The following MBD5 variants were observed in gnomAD, a reference collection of about 807,000 sequenced individuals.
MBD5 encodes the protein methyl-CpG-binding domain protein 5.
A neutral mutation model predicts 117.3 loss-of-function variants in MBD5; 13 were observed. The ratio of observed to expected loss-of-function variants is 0.11; its 90% CI spans 0.07 to 0.18. MBD5 has a LOEUF of 0.18. Among genes scored for constraint, MBD5 ranks in the 10% least tolerant of loss-of-function variants. The pLI is 1.00. For synonymous variants in MBD5, 727 were observed against 766.4 expected (o/e 0.95, Z 0.85); for missense variants, 1,879 against 2,093.8 (o/e 0.90, Z 2.00).
At chr2:148,491,480 C>G (rs1681524795) in intron 11 of MBD5, among the ~76,000 whole-genome samples, 1 of 151,890 alleles carries the variant, frequency 6.6e-6, no homozygotes, top group Non-Finnish European at 1.5e-5. Context: ...AAAAATTACT[C>G]TTACAGGTAT....
intron 1 of MBD5, among the ~76,000 whole-genome samples, chr2:148,159,693 T>A (rs1030724076): frequency 6.6e-6 from 1 of 152,200 alleles, no homozygotes; most frequent in South Asian, 2.1e-4. Context: ...CAGGTCTGAA[T>A]TGGCAAATAA....
At chr2:148,158,120 A>T (rs1697917423) in intron 1 of MBD5, among the ~76,000 whole-genome samples, 4 of 152,204 alleles carry the variant, frequency 2.6e-5, no homozygotes. Context: ...TATTTACAAT[A>T]ATAAAAATTT....
At chr2:148,397,582 G>T (rs1039758153) in intron 4 of MBD5, among the ~76,000 whole-genome samples, 3 of 152,128 alleles carry the variant, frequency 2.0e-5, no homozygotes, top group Non-Finnish European at 4.4e-5. Context: ...ACCCGCCTCG[G>T]CCTCCCAAAG....
intron 1 of MBD5, among the ~76,000 whole-genome samples, chr2:148,148,634 T>A (rs1697539496): frequency 6.6e-6 from 1 of 152,198 alleles, no homozygotes; most frequent in Admixed American, 6.5e-5. Flanking sequence ...CCTTTTTAGA[T>A]GTTTTTGTTC....
At chr2:148,263,818 A>G (rs909882337) in intron 3 of MBD5, among the ~76,000 whole-genome samples, 5 of 152,222 alleles carry the variant, frequency 3.3e-5, no homozygotes, top group Non-Finnish European at 2.9e-5. Flanking sequence ...TTCATTTTTC[A>G]ATGCTTTTTA....
At chr2:148,169,597 A>G (rs1396191968) in intron 1 of MBD5, among the ~76,000 whole-genome samples, 2 of 152,214 alleles carry the variant, frequency 1.3e-5, no homozygotes, top group South Asian at 4.1e-4. Context: ...TACCCTTAGC[A>G]GATCTGATAG....
At chr2:148,197,818 G>GTTTTTTTTTTT (rs11389519) in intron 2 of MBD5, among the ~76,000 whole-genome samples, 1 of 103,558 alleles carries the variant, frequency 9.7e-6, no homozygotes, top group Non-Finnish European at 1.9e-5. Flanking sequence ...TTTTTTTTTT[G>GTTTTTTTTTTT]TTTTTTTTTT....
At chr2:148,467,259 G>A (rs945797132) in intron 7 of MBD5, among the ~76,000 whole-genome samples, 2 of 152,100 alleles carry the variant, frequency 1.3e-5, no homozygotes, top group East Asian at 1.9e-4. Flanking sequence ...AATAGATATC[G>A]TAAGGGGCTA....
At chr2:148,033,288 TGA>T (rs1401505659) in intron 1 of MBD5, among the ~76,000 whole-genome samples, 1 of 152,206 alleles carries the variant, frequency 6.6e-6, no homozygotes, top group Non-Finnish European at 1.5e-5. Flanking sequence ...TTGATTATAT[TGA>T]GAGTGATTTC....
At chr2:148,277,711 A>G (rs1337233944) in intron 3 of MBD5, among the ~76,000 whole-genome samples, 1 of 151,878 alleles carries the variant, frequency 6.6e-6, no homozygotes, top group African/African-American at 2.4e-5. Flanking sequence ...CCTGCTAGAG[A>G]TTGGTCTATA....
chr2:148,294,508 T>TGG (rs1701596236), intron 3 of MBD5, among the ~76,000 whole-genome samples: 3 of 137,474 alleles, frequency 2.2e-5, no homozygotes, highest in Non-Finnish European at 4.7e-5. Flanking sequence ...ACAGTTTTTT[T>TGG]TTTTTTTTTT....
intron 1 of MBD5, among the ~76,000 whole-genome samples, chr2:148,152,923 C>A (rs545846805): frequency 1.3e-5 from 2 of 151,826 alleles, no homozygotes; most frequent in African/African-American, 2.4e-5. Context: ...TTAATTGGAG[C>A]ATTTAGTCCA....
chr2:148,314,232 G>A (rs1702101975), intron 3 of MBD5, among the ~76,000 whole-genome samples: 1 of 151,430 alleles, frequency 6.6e-6, no homozygotes, highest in South Asian at 2.1e-4. Flanking sequence ...ACAGACATAC[G>A]CTTCCTCATA....
chr2:148,417,428 T>A (rs748539996), intron 4 of MBD5, among the ~76,000 whole-genome samples: 2 of 151,558 alleles, frequency 1.3e-5, no homozygotes, highest in Non-Finnish European at 2.9e-5. Context: ...CATGAGCCAC[T>A]GTGCCCAGCT....
At chr2:148,419,460 T>G (rs1476376410) in intron 4 of MBD5, among the ~76,000 whole-genome samples, 5 of 152,190 alleles carry the variant, frequency 3.3e-5, no homozygotes, top group Non-Finnish European at 7.4e-5. Context: ...TTTCTGTGAA[T>G]TTTATGAGCT....
At chr2:148,050,495 T>A (rs1426240101) in intron 1 of MBD5, among the ~76,000 whole-genome samples, 2 of 152,170 alleles carry the variant, frequency 1.3e-5, no homozygotes, top group Non-Finnish European at 2.9e-5. Context: ...ATTGCAATAT[T>A]TTCTCCCATT....
chr2:148,067,266 G>A (rs1437301259), intron 1 of MBD5, among the ~76,000 whole-genome samples: 1 of 152,138 alleles, frequency 6.6e-6, no homozygotes, highest in African/African-American at 2.4e-5. Flanking sequence ...ATCTTTAAAT[G>A]TGTCTACATC....
At chr2:148,474,346 G>T (rs1407281958) in intron 8 of MBD5, among the ~76,000 whole-genome samples, 1 of 152,076 alleles carries the variant, frequency 6.6e-6, no homozygotes, top group Non-Finnish European at 1.5e-5. Context: ...TCCACACAAT[G>T]ACCCATCCAT....
intron 3 of MBD5, among the ~76,000 whole-genome samples, chr2:148,323,500 AG>A (rs1198548358): frequency 2.6e-5 from 4 of 152,000 alleles, no homozygotes; most frequent in African/African-American, 7.2e-5. Flanking sequence ...CATCCTCTCC[AG>A]CACCTGTTGT....
Sources: allele counts gnomAD v4.1 joint callset (sites outside exome capture counted in the v4.1 genomes callset), GRCh38; gene constraint gnomAD v4.1.1; transcripts MANE v1.5; gene names NCBI Gene and HGNC (gene_info 2026-07-23, HGNC 2026-07-21).